The following DNAH17 variants were observed in gnomAD, a reference collection of about 807,000 sequenced individuals.
DNAH17 encodes the protein dynein axonemal heavy chain 17.
A neutral mutation model predicts 485.6 loss-of-function variants in DNAH17; 376 were observed. That is an observed-to-expected ratio of 0.77 (90% CI 0.71 to 0.84). The LOEUF is 0.84. Ranked by LOEUF, DNAH17 falls within the 40% of genes least tolerant of loss-of-function variation. The pLI, the probability that DNAH17 is intolerant of heterozygous loss-of-function variation, is 0.00. For synonymous variants in DNAH17, 3,031 were observed against 2,405.9 expected (o/e 1.26, Z -7.60); for missense variants, 6,370 against 5,839.3 (o/e 1.09, Z -2.96).
At chr17:78,527,575 G>A (rs183609238) in intron 22 of DNAH17, among the ~76,000 whole-genome samples, 2,497 of 152,006 alleles carry the variant, frequency 0.016, 75 homozygotes, top group African/African-American at 0.056. Flanking sequence ...TGCAAACACC[G>A]CCACAATCAA....
Position 78,573,018 on chromosome 17 carries a change from GCA to G in DNAH17, c.346-126_346-125del. 3 of 809,048 alleles carry G rather than the reference GCA, an allele frequency of 3.7e-6. No homozygotes were observed. In the East Asian group the frequency reaches 8.1e-5, roughly 22 times the overall value. 50.1% of individuals were successfully genotyped at this position (809,048 alleles called of 1,614,324 possible). A position where few individuals can be genotyped will look rare whatever the true frequency, so the allele number is the denominator to read the frequency against. On this transcript the variant is annotated intron_variant, in intron 2 of 80. Transcript: ENST00000389840. ...TGGAGCCCTGGGAAAACTGGGTCCC[GCA>G]CAGAGCCAGGTCCCCAGGGGGATTC... is the stretch of plus-strand genomic sequence containing the variant.
intron 42 of DNAH17, among the ~76,000 whole-genome samples, chr17:78,492,373 C>T (rs2089898981): frequency 6.6e-6 from 1 of 152,206 alleles, no homozygotes; most frequent in African/African-American, 2.4e-5. Flanking sequence ...GCCCTCTCCC[C>T]TTGGCCTGCT....
In DNAH17 at chr17:78,461,496, G is replaced by A. The variant is rs1047385135; in HGVS notation, c.9339+48C>T. ...CACACGTGGAAGCCCAGGAGGCCTGGCCAGTGCAGCAGCCTTCCTGAAGGC... is the reference window on the plus strand; with the variant it reads ...CACACGTGGAAGCCCAGGAGGCCTGACCAGTGCAGCAGCCTTCCTGAAGGC... On this transcript the variant is annotated intron_variant, in intron 58 of 80. Transcript: ENST00000389840. 1.1e-5 allele frequency: 16 copies of A among 1,484,850 alleles called. No individual in the cohort carries two copies. In the East Asian group the frequency reaches 2.0e-4, roughly 19 times the overall value. The allele number at this position is 1,484,850 out of a possible 1,614,324, so 92.0% of individuals were successfully genotyped here.
chr17:78,446,195 A>AAAAAAAAAAAAAC (rs2087290106), intron 69 of DNAH17, among the ~76,000 whole-genome samples: 1 of 151,138 alleles, frequency 6.6e-6, no homozygotes. Flanking sequence ...AAAAAAAAAA[A>AAAAAAAAAAAAAC]AAATTGACAA....
At chr17:78,478,382 A>C (rs1041886629) in intron 51 of DNAH17, among the ~76,000 whole-genome samples, 13 of 140,286 alleles carry the variant, frequency 9.3e-5, no homozygotes, top group Non-Finnish European at 1.5e-4. Context: ...CACTGCCACC[A>C]CTATTATCAT....
chr17:78,572,226 G>A (rs1182759504), intron 3 of DNAH17, among the ~76,000 whole-genome samples: 1 of 149,480 alleles, frequency 6.7e-6, no homozygotes, highest in Non-Finnish European at 1.5e-5. Flanking sequence ...CAAGGCAGGT[G>A]CGAGGGGACA....
chr17:78,460,232 C>G lies in DNAH17; in HGVS notation c.9365G>C (p.Cys3122Ser). ...NKNVTEKQKACETDLAKAEPA... is the reference protein window; with the variant it reads ...NKNVTEKQKASETDLAKAEPA... Reference sequence around the variant, plus strand: ...TTCTGCTTTGGCCAGGTCTGTTTCACAGGCCTTTTGCTTCTCAGTGACGTT... The same window carrying G: ...TTCTGCTTTGGCCAGGTCTGTTTCAGAGGCCTTTTGCTTCTCAGTGACGTT... The change falls in exon 59 of 81, where the codon TGT (cysteine) becomes TCT (serine). Residue 3122 changes from cysteine (C) to serine (S), a missense_variant. Physicochemically the swap from Cys to Ser is moderately radical, Grantham distance 112. Transcript: ENST00000389840. The G allele has an allele frequency of 1.9e-6, 3 of 1,604,472 alleles. No individual in the cohort carries two copies. Among genetic ancestry groups the G allele is most frequent in the Non-Finnish European group, 2.6e-6 (3 of 1,174,808 alleles).
Position 78,575,497 on chromosome 17 carries a change from G to A in DNAH17, c.-25-415C>T, listed in dbSNP as rs9904706. Among the ~76,000 whole-genome samples the A allele has an allele frequency of 6.0e-3, 914 of 152,156 alleles. 8 individuals carry two copies. Among genetic ancestry groups the A allele is most frequent in the African/African-American group, 0.021 (855 of 41,510 alleles). ...AGGTCCTGGGAAAGCAATAAAAGAC[G>A]TCGCAGCCCCAGAGTATGTGTGAAA... On this transcript the variant is annotated intron_variant, in intron 1 of 80. Transcript: ENST00000389840.
At chr17:78,545,187 G>A (rs185960491) in intron 16 of DNAH17, among the ~76,000 whole-genome samples, 127 of 152,272 alleles carry the variant, frequency 8.3e-4, no homozygotes, top group Non-Finnish European at 1.0e-3. Flanking sequence ...ATTTACGTGA[G>A]TACTTATAGT....
Position 78,557,636 on chromosome 17 carries a change from C to CAAAAAAAAAA in DNAH17, c.2178+462_2178+471dup, listed in dbSNP as rs34251460. Among the ~76,000 whole-genome samples, 91 of 29,036 alleles carry CAAAAAAAAAA rather than the reference C, an allele frequency of 3.1e-3. 3 individuals carry two copies. The highest frequency in any genetic ancestry group is 0.012 in the South Asian group (4 of 342). 19.0% of individuals were successfully genotyped at this position (29,036 alleles called of 152,430 possible). On this transcript the variant is annotated intron_variant, in intron 14 of 80. Transcript: ENST00000389840. ...CCTGGGTGACAGAGTGAGACTGTCT[C>CAAAAAAAAAA]AAAAAAAAAAAAAAAAAAAAAAAAA...
intron 17 of DNAH17, among the ~76,000 whole-genome samples, chr17:78,542,893 C>T (rs1411802060): frequency 6.6e-5 from 10 of 152,314 alleles, no homozygotes; most frequent in South Asian, 4.1e-4. Flanking sequence ...CGGGGGATAC[C>T]GATAAACACA....
Position 78,463,093 on chromosome 17 carries a change from A to C in DNAH17, c.8941-16T>G. 6.2e-7 allele frequency: 1 copy of C among 1,610,858 alleles called. No homozygotes were observed. The highest frequency in any genetic ancestry group is 1.3e-5 in the African/African-American group (1 of 74,978). ...TGACTTCCCACTACAAAGATGAGAC[A>C]GCCAGTCATCCCTGGGACCCCATCC... On this transcript the variant is annotated splice_polypyrimidine_tract_variant and intron_variant, in intron 56 of 80. Transcript: ENST00000389840.
intron 77 of DNAH17, 80 bp downstream of exon 77, chr17:78,428,445 G>A (rs576349356): frequency 2.0e-6 from 3 of 1,507,884 alleles, no homozygotes; most frequent in Admixed American, 2.0e-5. Flanking sequence ...CCCCTGTACT[G>A]CCGCCAGTCC....
At chr17:78,525,293 CG>C in intron 24 of DNAH17, 132 bp from the exon 25 acceptor site, 1 of 1,330,100 alleles carries the variant, frequency 7.5e-7, no homozygotes, top group Non-Finnish European at 1.0e-6. Flanking sequence ...GTCCATACAA[CG>C]GTGTCCCACC....
chr17:78,440,244 CTTTTTTTTTTTT>C (rs71160296), intron 72 of DNAH17, among the ~76,000 whole-genome samples: 26 of 40,310 alleles, frequency 6.5e-4, no homozygotes, highest in African/African-American at 2.7e-3. Flanking sequence ...CGACTTCATG[CTTTTTTTTTTTT>C]TTTTTTTTTT....
intron 41 of DNAH17, 46 bp downstream of exon 41, chr17:78,493,990 C>A: frequency 6.3e-7 from 1 of 1,582,944 alleles, no homozygotes; most frequent in African/African-American, 1.3e-5. Context: ...CCAGCCCTCC[C>A]CCACCATGCC....
chr17:78,566,358 A>C (rs2092265556), intron 11 of DNAH17, among the ~76,000 whole-genome samples: 1 of 152,214 alleles, frequency 6.6e-6, no homozygotes, highest in Non-Finnish European at 1.5e-5. Context: ...CTTAGTGAGC[A>C]TAAGAAGTAT....
At chr17:78,455,550 C>T (rs1187979113) in intron 63 of DNAH17, 94 bp downstream of exon 63, 23 of 949,300 alleles carry the variant, frequency 2.4e-5, no homozygotes, top group Non-Finnish European at 1.2e-5. Context: ...TGCTCATGAA[C>T]TCCTGGCCTC....
At chr17:78,486,621 G>A in intron 44 of DNAH17, 115 bp from the exon 45 acceptor site, 1 of 1,308,800 alleles carries the variant, frequency 7.6e-7, no homozygotes, top group Non-Finnish European at 1.0e-6. Context: ...CTGCCCTCAG[G>A]GTCACCATGC....
Sources: allele counts gnomAD v4.1 joint callset (sites outside exome capture counted in the v4.1 genomes callset), GRCh38; gene constraint gnomAD v4.1.1; transcripts MANE v1.5; gene names NCBI Gene and HGNC (gene_info 2026-07-23, HGNC 2026-07-21).